SHISA9: variants seen among roughly 807,000 people sequenced by gnomAD.
SHISA9 encodes shisa family member 9, also known as protein shisa-9.
A neutral mutation model predicts 38.0 loss-of-function variants in SHISA9; 13 were observed. That is an observed-to-expected ratio of 0.34 (90% CI 0.22 to 0.54). The LOEUF is 0.54. SHISA9 is among the 20% of genes least tolerant of loss of function. The pLI, the probability that SHISA9 is intolerant of heterozygous loss-of-function variation, is 0.91. For synonymous variants in SHISA9, 275 were observed against 242.0 expected (o/e 1.14, Z -1.27); for missense variants, 538 against 575.8 (o/e 0.93, Z 0.67).
intron 2 of SHISA9, among the ~76,000 whole-genome samples, chr16:13,104,382 C>T (rs1354868278): frequency 1.3e-5 from 2 of 152,224 alleles, no homozygotes; most frequent in East Asian, 1.9e-4. Context: ...CATATGTTCA[C>T]ACAAAGACAT....
the SHISA9 span, among the ~76,000 whole-genome samples, chr16:13,402,263 G>A: frequency 1.3e-5 from 2 of 152,100 alleles, no homozygotes; most frequent in African/African-American, 4.8e-5. Flanking sequence ...GTCTGAGTTC[G>A]AATGCTTGAG....
chr16:12,936,029 C>T (rs1194325236), intron 2 of SHISA9, among the ~76,000 whole-genome samples: 1 of 152,030 alleles, frequency 6.6e-6, no homozygotes, highest in Non-Finnish European at 1.5e-5. Flanking sequence ...AGTGATGAAG[C>T]CGACTGACAA....
At chr16:13,188,716 C>CAAAAAA (rs35558481) in intron 2 of SHISA9, among the ~76,000 whole-genome samples, 1 of 79,336 alleles carries the variant, frequency 1.3e-5, no homozygotes, top group Non-Finnish European at 2.2e-5. Flanking sequence ...GACCCTGTTT[C>CAAAAAA]AAAAAAAAAA....
the SHISA9 span, among the ~76,000 whole-genome samples, chr16:13,261,059 C>T: frequency 3.3e-5 from 5 of 152,232 alleles, no homozygotes; most frequent in South Asian, 2.1e-4. Context: ...GAAGAACTCG[C>T]CCCCATGATT....
At chr16:13,351,979 C>T in the SHISA9 span, among the ~76,000 whole-genome samples, 2 of 152,260 alleles carry the variant, frequency 1.3e-5, no homozygotes, top group South Asian at 2.1e-4. Context: ...CAGCCAAGGT[C>T]CTTCTGGCTC....
the SHISA9 span, among the ~76,000 whole-genome samples, chr16:13,342,990 A>G: frequency 6.6e-6 from 1 of 152,218 alleles, no homozygotes; most frequent in African/African-American, 2.4e-5. Context: ...ATCCAAACTA[A>G]TGAGTCTGTT....
At chr16:13,013,346 G>A (rs372551780) in intron 2 of SHISA9, among the ~76,000 whole-genome samples, 1 of 152,156 alleles carries the variant, frequency 6.6e-6, no homozygotes, top group African/African-American at 2.4e-5. Context: ...TCTTAGCCTG[G>A]GGCCTGTCCT....
the SHISA9 span, among the ~76,000 whole-genome samples, chr16:13,469,783 A>G: frequency 1.9e-4 from 29 of 151,144 alleles, no homozygotes; most frequent in African/African-American, 6.6e-4. Context: ...TAACTTCAGA[A>G]ATCTATATAG....
At chr16:13,241,490 G>A (rs889078004), downstream of SHISA9, among the ~76,000 whole-genome samples, 2 of 152,066 alleles carry the variant, frequency 1.3e-5, no homozygotes, top group African/African-American at 4.8e-5. Flanking sequence ...TGGGCAACAA[G>A]AGCCAAACTC....
chr16:13,349,229 T>A, the SHISA9 span, among the ~76,000 whole-genome samples: 1 of 152,194 alleles, frequency 6.6e-6, no homozygotes, highest in Non-Finnish European at 1.5e-5. Flanking sequence ...CAGCATCGGT[T>A]TAGATTTTCC....
chr16:13,290,353 A>AT, the SHISA9 span, among the ~76,000 whole-genome samples: 1 of 151,932 alleles, frequency 6.6e-6, no homozygotes, highest in Non-Finnish European at 1.5e-5. Context: ...TCTTCTTGTT[A>AT]TTTTTCCCCA....
At chr16:13,335,709 C>T in the SHISA9 span, among the ~76,000 whole-genome samples, 12 of 152,202 alleles carry the variant, frequency 7.9e-5, no homozygotes, top group East Asian at 1.9e-3. Context: ...TCCCATGAGC[C>T]GTAGAGCCTT....
At chr16:13,229,319 A>G (rs1340944401) in intron 4 of SHISA9, among the ~76,000 whole-genome samples, 3 of 152,230 alleles carry the variant, frequency 2.0e-5, no homozygotes, top group African/African-American at 7.2e-5. Flanking sequence ...CAGTCATGAT[A>G]AATGCCACGG....
intron 2 of SHISA9, among the ~76,000 whole-genome samples, chr16:13,165,247 G>T (rs2050625880): frequency 6.6e-6 from 1 of 152,026 alleles, no homozygotes; most frequent in Non-Finnish European, 1.5e-5. Context: ...GCATTCCACA[G>T]TTCAGTCATG....
At position 12,916,757 on chromosome 16, in the gene SHISA9, C is replaced by T. The variant is rs376899363; in HGVS notation, c.633C>T (p.Ile211=). Residue 211 remains isoleucine, a synonymous_variant, in exon 2 of 5, where the codon ATC becomes ATT. Coordinates refer to ENST00000558583, the MANE Select transcript of SHISA9 (RefSeq NM_001145204.3). ...ATCACATGGAGAGAGACCTAAACATCGTTGTCCACGTCCAGCATTATGAGA... is the reference window on the plus strand; with the variant it reads ...ATCACATGGAGAGAGACCTAAACATTGTTGTCCACGTCCAGCATTATGAGA... ...NTDHMERDLN[I]VVHVQHYENM... is the part of the protein sequence containing the mutation. The T allele has an allele frequency of 2.3e-5, 35 of 1,552,058 alleles. No individual in the cohort carries two copies. In the East Asian group the frequency reaches 2.4e-4, roughly 11 times the overall value.
chr16:13,130,685 T>C (rs549938861), intron 2 of SHISA9, among the ~76,000 whole-genome samples: 47 of 152,316 alleles, frequency 3.1e-4, no homozygotes, highest in African/African-American at 1.0e-3. Flanking sequence ...GCAGACTTTT[T>C]CTGTACAGAG....
chr16:13,292,801 GA>G, the SHISA9 span, among the ~76,000 whole-genome samples: 10 of 151,896 alleles, frequency 6.6e-5, no homozygotes, highest in South Asian at 1.9e-3. Context: ...AACACTTTTT[GA>G]AAAAAAATTT....
the SHISA9 span, among the ~76,000 whole-genome samples, chr16:13,339,839 TA>T: frequency 2.0e-5 from 3 of 152,180 alleles, no homozygotes; most frequent in Non-Finnish European, 4.4e-5. Flanking sequence ...ATTTAGATCT[TA>T]GATTGTTATG....
the SHISA9 span, among the ~76,000 whole-genome samples, chr16:13,371,633 T>C: frequency 6.6e-6 from 1 of 152,114 alleles, no homozygotes; most frequent in East Asian, 1.9e-4. Flanking sequence ...GAAAAAAGAG[T>C]AAGATTAGCG....
Sources: allele counts gnomAD v4.1 joint callset (sites outside exome capture counted in the v4.1 genomes callset), GRCh38; gene constraint gnomAD v4.1.1; transcripts MANE v1.5; gene names NCBI Gene and HGNC (gene_info 2026-07-23, HGNC 2026-07-21).